VPS13B: variants seen among roughly 807,000 people sequenced by gnomAD.
VPS13B encodes the protein vacuolar protein sorting 13 homolog B, also known as intermembrane lipid transfer protein VPS13B.
Under a neutral mutation model 426.4 loss-of-function variants are expected in VPS13B, and 285 were observed. The observed-to-expected ratio is 0.67, with a 90% CI of 0.61 to 0.74. VPS13B has a LOEUF of 0.74. Among genes scored for constraint, VPS13B ranks in the 30% least tolerant of loss-of-function variants. The pLI is 0.00. For synonymous variants in VPS13B, 1,676 were observed against 1,676.4 expected, an observed-to-expected ratio of 1.00 and a Z score of 0.01; for missense variants, 4,537 against 4,782.6, an observed-to-expected ratio of 0.95 and a Z score of 1.51.
chr8:99,075,730 G>A (rs963666340), intron 3 of VPS13B, among the ~76,000 whole-genome samples: 39 of 152,094 alleles, frequency 2.6e-4, no homozygotes, highest in South Asian at 8.3e-4. Context: ...TTGTAATGTC[G>A]CCATTTTGTT....
chr8:99,349,738 A>G (rs1811769238), intron 19 of VPS13B, among the ~76,000 whole-genome samples: 1 of 152,202 alleles, frequency 6.6e-6, no homozygotes, highest in South Asian at 2.1e-4. Flanking sequence ...GAGAATATGC[A>G]GCAGAATATT....
chr8:99,404,110 G>A (rs1016746098), intron 21 of VPS13B, among the ~76,000 whole-genome samples: 7 of 152,152 alleles, frequency 4.6e-5, no homozygotes, highest in African/African-American at 1.7e-4. Flanking sequence ...TCATTACAAA[G>A]GTTTTTTCCC....
intron 40 of VPS13B, 96 bp from the exon 41 acceptor site, chr8:99,776,679 G>A (rs1811758101): frequency 2.8e-6 from 3 of 1,083,332 alleles, no homozygotes; most frequent in African/African-American, 3.1e-5. Flanking sequence ...AGGATTTTCA[G>A]TACTAGTTTT....
At chr8:99,291,283 G>A (rs1032611282) in intron 19 of VPS13B, among the ~76,000 whole-genome samples, 6 of 152,050 alleles carry the variant, frequency 3.9e-5, no homozygotes, top group African/African-American at 1.4e-4. Flanking sequence ...GAGGAACAAA[G>A]AAACAAGAAC....
chr8:99,081,866 G>A (rs572951102), intron 3 of VPS13B, among the ~76,000 whole-genome samples: 22 of 151,970 alleles, frequency 1.4e-4, no homozygotes, highest in Admixed American at 1.4e-3. Context: ...TATAATTGTT[G>A]GACATTTGGG....
At chr8:99,576,490 A>G (rs1431579674) in intron 32 of VPS13B, among the ~76,000 whole-genome samples, 1 of 152,016 alleles carries the variant, frequency 6.6e-6, no homozygotes, top group Non-Finnish European at 1.5e-5. Flanking sequence ...GGAGGAAAAA[A>G]TTGTTTAACC....
chr8:99,156,508 C>A, intron 14 of VPS13B, 41 bp from the exon 15 acceptor site: 7 of 1,603,738 alleles, frequency 4.4e-6, no homozygotes, highest in Non-Finnish European at 6.0e-6. Flanking sequence ...TCAGTCACTG[C>A]TCCACTTTTA....
At chr8:99,820,680 T>A (rs907944522) in intron 49 of VPS13B, among the ~76,000 whole-genome samples, 5 of 152,090 alleles carry the variant, frequency 3.3e-5, no homozygotes, top group African/African-American at 1.2e-4. Context: ...AATTTTATAT[T>A]TCTGTCACAA....
intron 19 of VPS13B, among the ~76,000 whole-genome samples, chr8:99,337,049 G>A (rs866512108): frequency 2.6e-5 from 4 of 152,036 alleles, no homozygotes; most frequent in Middle Eastern, 3.4e-3. Context: ...TGCTGCTATA[G>A]AGACACATGC....
chr8:99,014,375 T>C (rs1231069934), intron 2 of VPS13B, among the ~76,000 whole-genome samples: 4 of 151,898 alleles, frequency 2.6e-5, no homozygotes, highest in African/African-American at 9.7e-5. Flanking sequence ...GCCTCAGTCT[T>C]CCGAAGTGCT....
chr8:99,039,124 CTT>C (rs1235201579), intron 3 of VPS13B, among the ~76,000 whole-genome samples: 1 of 152,180 alleles, frequency 6.6e-6, no homozygotes, highest in East Asian at 1.9e-4. Context: ...TTGCTTATTA[CTT>C]ACATCTACAA....
At chr8:99,272,192 A>G (rs1208678829) in intron 17 of VPS13B, among the ~76,000 whole-genome samples, 2 of 152,206 alleles carry the variant, frequency 1.3e-5, no homozygotes, top group East Asian at 1.9e-4. Context: ...TCAAAAATAA[A>G]GGATGGAATT....
In VPS13B at chr8:99,875,769, TCAAG is replaced by T; in HGVS notation, c.*107_*110del. The T allele has an allele frequency of 6.8e-7, 1 of 1,479,204 alleles. No homozygotes were observed. Among genetic ancestry groups the T allele is most frequent in the South Asian group, 1.2e-5 (1 of 85,674 alleles). The allele number at this position is 1,479,204 out of a possible 1,614,324, so 91.6% of individuals were successfully genotyped here. On this transcript the variant is annotated 3_prime_UTR_variant, in exon 62 of 62. Transcript: ENST00000357162. ...CCTTGCTGACCTCAAATTCTGGGGT[TCAAG>T]CAATCCTCCCACCTCAACCCACAAG...
intron 25 of VPS13B, among the ~76,000 whole-genome samples, chr8:99,485,381 G>A (rs1225294273): frequency 5.3e-5 from 8 of 152,164 alleles, no homozygotes; most frequent in African/African-American, 1.9e-4. Flanking sequence ...AAAATATTAA[G>A]AACATATTTA....
chr8:99,787,595 A>C (rs1812331478), intron 43 of VPS13B, among the ~76,000 whole-genome samples: 1 of 152,170 alleles, frequency 6.6e-6, no homozygotes, highest in African/African-American at 2.4e-5. Flanking sequence ...TCTTCAAAGA[A>C]GTATGTCACA....
intron 50 of VPS13B, among the ~76,000 whole-genome samples, chr8:99,822,554 C>T (rs1173175005): frequency 6.6e-6 from 1 of 152,184 alleles, no homozygotes; most frequent in Admixed American, 6.5e-5. Context: ...TCAGTCAACA[C>T]CCAATACCTC....
chr8:99,825,049 T>C (rs1281798374), intron 51 of VPS13B, among the ~76,000 whole-genome samples: 2 of 152,226 alleles, frequency 1.3e-5, no homozygotes, highest in Admixed American at 6.5e-5. Flanking sequence ...CATGTGCATG[T>C]GTCTTTATAG....
chr8:99,190,529 C>G (rs1214965426), intron 16 of VPS13B, among the ~76,000 whole-genome samples: 1 of 151,916 alleles, frequency 6.6e-6, no homozygotes, highest in Non-Finnish European at 1.5e-5. Flanking sequence ...TTCATCCTCT[C>G]TATTCCATTC....
intron 43 of VPS13B, among the ~76,000 whole-genome samples, chr8:99,803,980 T>G (rs1813264672): frequency 6.6e-6 from 1 of 152,222 alleles, no homozygotes; most frequent in Non-Finnish European, 1.5e-5. Flanking sequence ...ATCTGAGGGA[T>G]TACACTGACT....
Sources: allele counts gnomAD v4.1 joint callset (sites outside exome capture counted in the v4.1 genomes callset), GRCh38; gene constraint gnomAD v4.1.1; transcripts MANE v1.5; gene names NCBI Gene and HGNC (gene_info 2026-07-23, HGNC 2026-07-21).